Variants in IPO11 observed in about 807,000 individuals in gnomAD.
The protein encoded by IPO11 is importin-11.
Under a neutral mutation model 143.2 loss-of-function variants are expected in IPO11, and 66 were observed. That is an observed-to-expected ratio of 0.46 (90% CI 0.38 to 0.57). IPO11 has a LOEUF of 0.57. Ranked by LOEUF, IPO11 falls within the 20% of genes least tolerant of loss-of-function variation. The pLI is 0.00. For synonymous variants in IPO11, 385 were observed against 377.8 expected, an observed-to-expected ratio of 1.02 and a Z score of -0.22; for missense variants, 1,026 against 1,141.0, an observed-to-expected ratio of 0.90 and a Z score of 1.45.
intron 15 of IPO11, among the ~76,000 whole-genome samples, chr5:62,491,977 A>G (rs931012282): frequency 1.1e-4 from 16 of 152,176 alleles, no homozygotes; most frequent in Non-Finnish European, 2.2e-4. Context: ...GGTACTAAAA[A>G]ATTAAAATAA....
At chr5:62,482,955 A>G in intron 9 of IPO11, 146 bp from the exon 10 acceptor site, 1 of 568,462 alleles carries the variant, frequency 1.8e-6, no homozygotes, top group Admixed American at 3.5e-5. Flanking sequence ...AAGAGTTATG[A>G]TAATGTAAAA....
intron 15 of IPO11, 58 bp downstream of exon 15, chr5:62,490,278 T>C (rs1196425214): frequency 8.6e-7 from 1 of 1,163,396 alleles, no homozygotes; most frequent in Non-Finnish European, 1.2e-6. Flanking sequence ...ATTTTATTAA[T>C]GAAGACAGGA....
chr5:62,576,547 T>A (rs1744320469), intron 27 of IPO11, among the ~76,000 whole-genome samples: 2 of 152,152 alleles, frequency 1.3e-5, no homozygotes, highest in South Asian at 4.1e-4. Context: ...TCCCAGCACT[T>A]TGGGAGGCCA....
intron 2 of IPO11, among the ~76,000 whole-genome samples, chr5:62,439,031 C>T (rs1744345185): frequency 6.7e-6 from 1 of 149,946 alleles, no homozygotes; most frequent in African/African-American, 2.5e-5. Flanking sequence ...TGCATTCCAA[C>T]CTGGGCGACA....
Position 62,437,353 on chromosome 5 carries a change from T to G in IPO11, c.74T>G (p.Leu25Ter). ...GCCACCAGTCAGGATACTGCTGTGTTAAAACCAGCTGAGGAGCAGTTGAAG... is the reference window on the plus strand; with the variant it reads ...GCCACCAGTCAGGATACTGCTGTGTGAAAACCAGCTGAGGAGCAGTTGAAG... Reference protein sequence around the residue: ...TQATSQDTAVLKPAEEQLKQW... With the variant: ...TQATSQDTAV The change falls in exon 2 of 30, where the codon TTA becomes TGA. Residue 25 changes from leucine to a stop codon, truncating the protein, a stop_gained. Coordinates refer to ENST00000325324, the MANE Select transcript of IPO11 (RefSeq NM_016338.5). LOFTEE classifies it high-confidence loss of function. 1 of 1,613,292 alleles carries G rather than the reference T, an allele frequency of 6.2e-7. No homozygotes were observed.
At chr5:62,426,697 C>A (rs1743754928) in intron 1 of IPO11, among the ~76,000 whole-genome samples, 3 of 151,556 alleles carry the variant, frequency 2.0e-5, no homozygotes, top group Non-Finnish European at 2.9e-5. Flanking sequence ...AGAATGATAA[C>A]CCCTGGAGCT....
At chr5:62,485,135 T>TA in intron 11 of IPO11, among the ~76,000 whole-genome samples, 1 of 152,284 alleles carries the variant, frequency 6.6e-6, no homozygotes, top group African/African-American at 2.4e-5. Context: ...TGATAGCAGA[T>TA]ACCCTGGAAA....
At chr5:62,620,544 A>T (rs915465695) in intron 29 of IPO11, among the ~76,000 whole-genome samples, 1 of 149,264 alleles carries the variant, frequency 6.7e-6, no homozygotes, top group Admixed American at 6.7e-5. Flanking sequence ...AAAAAAATAC[A>T]TTGGTCCAGA....
At chr5:62,511,527 G>T (rs1741747081) in intron 19 of IPO11, among the ~76,000 whole-genome samples, 1 of 152,118 alleles carries the variant, frequency 6.6e-6, no homozygotes, top group Admixed American at 6.5e-5. Context: ...TGAGATATTT[G>T]TGCAAATATT....
At chr5:62,555,793 G>C (rs1012865100) in intron 26 of IPO11, among the ~76,000 whole-genome samples, 12 of 151,894 alleles carry the variant, frequency 7.9e-5, no homozygotes, top group Admixed American at 3.3e-4. Context: ...ATGAGCTACT[G>C]CGCCTGGCCC....
chr5:62,541,542 A>C (rs1561355123), intron 24 of IPO11, among the ~76,000 whole-genome samples: 1 of 151,786 alleles, frequency 6.6e-6, no homozygotes, highest in African/African-American at 2.4e-5. Context: ...TTAGCTGAGC[A>C]TGGTGGTGTG....
chr5:62,423,332 A>G (rs1743584897), intron 1 of IPO11, among the ~76,000 whole-genome samples: 1 of 152,144 alleles, frequency 6.6e-6, no homozygotes, highest in Non-Finnish European at 1.5e-5. Context: ...CATCCTTCAC[A>G]CTGTGCTAGG....
chr5:62,511,469 TTAAAA>T (rs1741745983), intron 19 of IPO11, among the ~76,000 whole-genome samples: 1 of 152,028 alleles, frequency 6.6e-6, no homozygotes, highest in African/African-American at 2.4e-5. Flanking sequence ...GATAAATATG[TTAAAA>T]TAAGGTAACA....
intron 16 of IPO11, among the ~76,000 whole-genome samples, chr5:62,500,514 AAGAGACAGGGTCTT>A (rs1364178613): frequency 6.6e-6 from 1 of 152,104 alleles, no homozygotes; most frequent in Non-Finnish European, 1.5e-5. Flanking sequence ...TTGTTTTATA[AAGAGACAGGGTCTT>A]GCTGTGTCAC....
intron 19 of IPO11, 141 bp downstream of exon 19, chr5:62,506,498 G>A (rs1431304229): frequency 4.0e-6 from 2 of 504,332 alleles, no homozygotes; most frequent in East Asian, 3.0e-5. Flanking sequence ...TTTCAGTTAT[G>A]TATTATTCAA....
intron 27 of IPO11, among the ~76,000 whole-genome samples, chr5:62,574,750 T>C (rs1043252000): frequency 6.6e-6 from 1 of 152,190 alleles, no homozygotes; most frequent in South Asian, 2.1e-4. Flanking sequence ...AAATAAAATA[T>C]GCTTCTCAGA....
intron 1 of IPO11, among the ~76,000 whole-genome samples, chr5:62,435,970 T>C (rs1744216303): frequency 6.6e-6 from 1 of 151,286 alleles, no homozygotes; most frequent in South Asian, 2.1e-4. Context: ...TGGAGTGAGT[T>C]GAGATTGTGC....
intron 13 of IPO11, 145 bp downstream of exon 13, chr5:62,488,006 A>G (rs2112232424): frequency 1.5e-6 from 1 of 656,896 alleles, no homozygotes; most frequent in Admixed American, 3.9e-5. Flanking sequence ...AAAACTTATT[A>G]TCTTCCAAGG....
chr5:62,553,377 T>A (rs1443942878), intron 26 of IPO11, among the ~76,000 whole-genome samples: 1 of 151,622 alleles, frequency 6.6e-6, no homozygotes, highest in Non-Finnish European at 1.5e-5. Flanking sequence ...ATTTTCTGTA[T>A]CCATTCATCT....
Sources: gnomAD v4.1 joint callset for allele counts (sites outside exome capture counted in the v4.1 genomes callset) on GRCh38, gnomAD v4.1.1 for gene constraint, MANE v1.5 for transcripts, NCBI Gene and HGNC (gene_info 2026-07-23, HGNC 2026-07-21) for gene names.